TREML1: variants seen among roughly 807,000 people sequenced by gnomAD.
TREML1 encodes the protein trem-like transcript 1 protein.
In TREML1, 27 loss-of-function variants were observed where a neutral mutation model predicts 22.8. The ratio of observed to expected loss-of-function variants is 1.19; its 90% CI spans 0.87 to 1.64. The LOEUF is 1.64. Among genes scored for constraint, TREML1 ranks in the 40% most tolerant of loss-of-function variants. TREML1 has a pLI of 0.00. For missense variants in TREML1, 356 were observed against 382.0 expected, an observed-to-expected ratio of 0.93 and a Z score of 0.57; for synonymous variants, 153 against 161.9, an observed-to-expected ratio of 0.94 and a Z score of 0.42.
chr6:41,149,353 T>G lies in TREML1; in HGVS notation c.*251A>C. The stretch of plus-strand genomic sequence containing the variant: ...TCAGCCATTAAGAGTTTGCACATCA[T>G]TATTAGGGTTTATTTAGCCCAGTGT... On this transcript the variant is annotated 3_prime_UTR_variant, in exon 6 of 6. Transcript: ENST00000426005. The G allele has an allele frequency of 2.6e-5, 11 of 417,060 alleles. No individual in the cohort carries two copies. Among genetic ancestry groups the G allele is most frequent in the Admixed American group, 3.9e-5 (1 of 25,562 alleles). 25.8% of individuals were successfully genotyped at this position (417,060 alleles called of 1,614,324 possible).
chr6:41,149,942 G>A lies in TREML1; in HGVS notation c.622-24C>T, dbSNP rs202240689. The A allele has an allele frequency of 3.0e-4, 481 of 1,602,192 alleles. 1 individual carries two copies. The African/African-American group carries it at 5.9e-3, about 20-fold the overall frequency. ...TTCTGTAACAAAAGCAGGCAAGTCA[G>A]GAATGCCTCCCTCTGCCCCAGAACT... On this transcript the variant is annotated intron_variant, in intron 5 of 5. Coordinates refer to ENST00000426005, the MANE Select transcript of TREML1 (RefSeq NM_178174.4).
In TREML1 at chr6:41,149,913, G is replaced by C. The variant is rs564522446; in HGVS notation, c.627C>G (p.Pro209=). ...CACTGACGTGGTGGACCACTGAGGA[G>C]GGATTCTGTAACAAAAGCAGGCAAG... ...FLSSRVSGMN[P]SSVVHHVSDS... The change falls in exon 6 of 6, where the codon CCC becomes CCG. Residue 209 remains proline, a synonymous_variant. Transcript: ENST00000426005. The C allele has an allele frequency of 1.3e-4, 216 of 1,611,126 alleles. 1 individual carries two copies. The South Asian group carries it at 2.3e-3, about 17-fold the overall frequency.
At chr6:41,150,197 C>G in intron 5 of TREML1, 64 bp downstream of exon 5, 2 of 1,571,952 alleles carry the variant, frequency 1.3e-6, no homozygotes, top group Non-Finnish European at 1.7e-6. Flanking sequence ...CCTAGGACCT[C>G]TCAGTGAGTG....
intron 3 of TREML1, among the ~76,000 whole-genome samples, 185 bp downstream of exon 3, chr6:41,151,097 G>A (rs1371577303): frequency 6.6e-6 from 1 of 152,198 alleles, no homozygotes; most frequent in East Asian, 1.9e-4. Context: ...AGAATCACCA[G>A]CATGAAGGCA....
In TREML1 at chr6:41,149,776, C is replaced by T. The variant is rs2113864903; in HGVS notation, c.764G>A (p.Gly255Glu). 6.2e-7 allele frequency: 1 copy of T among 1,614,100 alleles called. No individual in the cohort carries two copies. The highest frequency in any genetic ancestry group is 8.5e-7 in the Non-Finnish European group (1 of 1,180,014). ...YTSLPLDSPS[G>E]KPSLPAPSSL... ...GGATGGAGCTGGGAGTGAAGGTTTTCCTGATGGGGAATCAAGAGGTAGGCT... is the reference window on the plus strand; with the variant it reads ...GGATGGAGCTGGGAGTGAAGGTTTTTCTGATGGGGAATCAAGAGGTAGGCT... Residue 255 changes from glycine to glutamate, a missense_variant, in exon 6 of 6, where the codon GGA (glycine) becomes GAA (glutamate). Coordinates refer to ENST00000426005, the MANE Select transcript of TREML1 (RefSeq NM_178174.4).
chr6:41,152,572 G>GA (rs978029705), intron 2 of TREML1, among the ~76,000 whole-genome samples: 4 of 151,718 alleles, frequency 2.6e-5, no homozygotes, highest in South Asian at 2.1e-4. Flanking sequence ...TATTTAGAGG[G>GA]AAAAAAAACA....
At chr6:41,150,012 A>T in intron 5 of TREML1, 94 bp from the exon 6 acceptor site, 1 of 1,267,558 alleles carries the variant, frequency 7.9e-7, no homozygotes, top group Non-Finnish European at 1.1e-6. Context: ...TATCTCTTGA[A>T]TCCTGAGTAT....
chr6:41,154,440 A>G (rs188743595), upstream of TREML1: 5 of 666,426 alleles, frequency 7.5e-6, no homozygotes, highest in East Asian at 1.1e-4. Context: ...AGTTCTTCCA[A>G]GCCCTGGTTG....
In TREML1 at chr6:41,151,384, T is replaced by C. The variant is rs1231452069; in HGVS notation, c.377A>G (p.Glu126Gly). The change falls in exon 3 of 6, where the codon GAG (glutamate) becomes GGG (glycine). Residue 126 changes from glutamate to glycine, a missense_variant and splice_region_variant. Physicochemically the swap from Glu to Gly is moderately conservative, Grantham distance 98. Coordinates refer to ENST00000426005, the MANE Select transcript of TREML1 (RefSeq NM_178174.4). ...AATCTTATGGGTCTCTTCTTCTTCC[T>C]CTGTCAGGCCAGGAATGGAGTCAGA... is the stretch of plus-strand genomic sequence containing the variant. Reference protein sequence around the residue: ...HRVSLNILPPEEEEETHKIGS... With the variant: ...HRVSLNILPPGEEEETHKIGS... The C allele has an allele frequency of 5.0e-6, 8 of 1,613,434 alleles. No homozygotes were observed. The highest frequency in any genetic ancestry group is 6.8e-6 in the Non-Finnish European group (8 of 1,179,570).
At chr6:41,153,684 C>T (rs1478399544) in intron 2 of TREML1, 74 bp downstream of exon 2, 6 of 1,457,852 alleles carry the variant, frequency 4.1e-6, no homozygotes, top group Non-Finnish European at 5.6e-6. Flanking sequence ...TCCTCAAGAA[C>T]CCATGAGCCC....
At chr6:41,155,094 A>C (rs1765385736), upstream of TREML1, among the ~76,000 whole-genome samples, 2 of 151,964 alleles carry the variant, frequency 1.3e-5, no homozygotes, top group African/African-American at 4.8e-5. Flanking sequence ...GTTATTTTTT[A>C]ATATTTTTAA....
chr6:41,153,993 A>G lies in TREML1; in HGVS notation c.141T>C (p.Ala47=), dbSNP rs1765355172. 25 of 1,613,990 alleles carry G rather than the reference A, an allele frequency of 1.5e-5. No individual in the cohort carries two copies. The highest frequency in any genetic ancestry group is 2.1e-5 in the Non-Finnish European group (25 of 1,180,038). ...QCHYRLQDVK[A]QKVWCRFLPE... The stretch of plus-strand genomic sequence containing the variant: ...GCAAGAACCGGCACCACACCTTCTG[A>G]GCTTTGACATCCTGGAGCCTGTAGT... Residue 47 remains alanine (A), a synonymous_variant, in exon 2 of 6, where the codon GCT becomes GCC. Coordinates refer to ENST00000426005, the MANE Select transcript of TREML1 (RefSeq NM_178174.4).
Position 41,149,539 on chromosome 6 carries a change from CT to C in TREML1, c.*64del, listed in dbSNP as rs1278392311. 1 of 1,518,838 alleles carries C rather than the reference CT, an allele frequency of 6.6e-7. No homozygotes were observed. The highest frequency in any genetic ancestry group is 1.4e-5 in the African/African-American group (1 of 72,654). The allele number at this position is 1,518,838 out of a possible 1,614,324, so 94.1% of individuals were successfully genotyped here. A position where few individuals can be genotyped will look rare whatever the true frequency, so the allele number is the denominator to read the frequency against. Reference sequence around the variant, plus strand: ...TATCCTAAGGATCCTAGGGCATGAGCTGGCTGGATGGATGCACAGAACCCCT... The same window carrying C: ...TATCCTAAGGATCCTAGGGCATGAGCGGCTGGATGGATGCACAGAACCCCT... On this transcript the variant is annotated 3_prime_UTR_variant, in exon 6 of 6. Transcript: ENST00000426005.
chr6:41,155,194 G>C (rs776729230), upstream of TREML1, among the ~76,000 whole-genome samples: 105 of 152,108 alleles, frequency 6.9e-4, no homozygotes, highest in Non-Finnish European at 1.4e-3. Context: ...TTCTCTGTTG[G>C]AAGACAATTC....
At chr6:41,154,129 T>C (rs1434492937) in intron 1 of TREML1, 39 bp from the exon 2 acceptor site, 1 of 1,597,760 alleles carries the variant, frequency 6.3e-7, no homozygotes, top group African/African-American at 1.3e-5. Context: ...GGGCAGGAGC[T>C]GGGAGCATCT....
Position 41,150,330 on chromosome 6 carries a change from C to T in TREML1, c.569-17G>A, listed in dbSNP as rs1213854253. The T allele has an allele frequency of 1.2e-6, 2 of 1,613,614 alleles. No homozygotes were observed. Among genetic ancestry groups the T allele is most frequent in the Admixed American group, 1.7e-5 (1 of 59,952 alleles). ...GCCTGTTCCCTGGCAGGACAGACAA[C>T]AGCAGCATAGTCTGCTTCCGGGGCT... On this transcript the variant is annotated splice_polypyrimidine_tract_variant and intron_variant, in intron 4 of 5. Transcript: ENST00000426005.
chr6:41,153,691 G>A, intron 2 of TREML1, 67 bp downstream of exon 2: 1 of 1,480,278 alleles, frequency 6.8e-7, no homozygotes. Context: ...GAACCCATGA[G>A]CCCTGGCAAT....
intron 2 of TREML1, among the ~76,000 whole-genome samples, chr6:41,153,283 G>C (rs550721565): frequency 6.8e-6 from 1 of 146,258 alleles, no homozygotes; most frequent in Admixed American, 6.9e-5. Context: ...TTGTAGGTGA[G>C]ACATACTAGA....
In TREML1 at chr6:41,149,722, A is replaced by C. The variant is rs1765192871; in HGVS notation, c.818T>G (p.Leu273Arg). 4 of 1,614,234 alleles carry C rather than the reference A, an allele frequency of 2.5e-6. No individual in the cohort carries two copies. The highest frequency in any genetic ancestry group is 3.4e-6 in the Non-Finnish European group (4 of 1,180,040). ...ATATGTCACAGGCTTGGAGCAGACC[A>C]GGACCTTAGGAGGTAGAGGGGGCAA... ...SSLPPLPPKV[L>R]VCSKPVTYAT... Residue 273 changes from leucine to arginine, a missense_variant, in exon 6 of 6, where the codon CTG (leucine) becomes CGG (arginine). Leu to Arg is a moderately radical substitution (Grantham distance 102). Coordinates refer to ENST00000426005, the MANE Select transcript of TREML1 (RefSeq NM_178174.4).
Sources: allele counts gnomAD v4.1 joint callset (sites outside exome capture counted in the v4.1 genomes callset), GRCh38; gene constraint gnomAD v4.1.1; transcripts MANE v1.5; gene names NCBI Gene and HGNC (gene_info 2026-07-23, HGNC 2026-07-21).